EPHB3: variants seen among roughly 807,000 people sequenced by gnomAD.
EPHB3 encodes the protein EPH receptor B3.
In EPHB3, 33 loss-of-function variants were observed where a neutral mutation model predicts 100.2. That is an observed-to-expected ratio of 0.33 (90% CI 0.25 to 0.44). The LOEUF (loss-of-function observed/expected upper bound fraction) is 0.44. EPHB3 is among the 20% of genes least tolerant of loss of function. The probability of loss-of-function intolerance (pLI) is 1.00; values close to 1 mark genes in which losing one functional copy is unlikely to be tolerated. For synonymous variants in EPHB3, 526 were observed against 554.7 expected (o/e 0.95, Z 0.73); for missense variants, 1,045 against 1,378.3 (o/e 0.76, Z 3.83).
Position 184,577,194 on chromosome 3 carries a change from G to A in EPHB3, c.1354+11G>A. The A allele has an allele frequency of 1.9e-6, 3 of 1,585,890 alleles. No homozygotes were observed. Among genetic ancestry groups the A allele is most frequent in the Non-Finnish European group, 8.6e-7 (1 of 1,162,770 alleles). On this transcript the variant is annotated intron_variant, in intron 5 of 15. Transcript: ENST00000330394. The surrounding 1 kb of genome is among the most constrained non-coding windows in gnomAD (Gnocchi z 4.9). Reference sequence around the variant, plus strand: ...CCACAAACCAGGCTGGTGAGGAGGGGACACTGGAGGGTAGGGCCTGGGTCA... The same window carrying A: ...CCACAAACCAGGCTGGTGAGGAGGGAACACTGGAGGGTAGGGCCTGGGTCA...
chr3:184,563,536 G>A lies in EPHB3; in HGVS notation c.118+1183G>A, dbSNP rs950450745. ...CAGTTCAGAGAGAAAGGCATCCTCTGGTGCGTTCTAATGTTCTCCAGAGGA... is the reference window on the plus strand; with the variant it reads ...CAGTTCAGAGAGAAAGGCATCCTCTAGTGCGTTCTAATGTTCTCCAGAGGA... On this transcript the variant is annotated intron_variant, in intron 1 of 15. Transcript: ENST00000330394. This position sits in a 1 kb window ranked among gnomAD's most constrained non-coding sequence, Gnocchi z 4.1. 6.6e-6 allele frequency among the ~76,000 whole-genome samples: 1 copy of A among 152,198 alleles called. No homozygotes were observed. The highest frequency in any genetic ancestry group is 1.5e-5 in the Non-Finnish European group (1 of 68,034).
chr3:184,576,105 G>A (rs1486971219), intron 4 of EPHB3, 120 bp downstream of exon 4: 12 of 1,378,106 alleles, frequency 8.7e-6, no homozygotes, highest in South Asian at 1.5e-5. Context: ...TGAGGCTCAG[G>A]GAAGTTAGAT....
In EPHB3 at chr3:184,571,358, G is replaced by A. The variant is rs56185025; in HGVS notation, c.159G>A (p.Ala53=). Residue 53 remains alanine, a synonymous_variant, in exon 2 of 16, where the codon GCG becomes GCA. Transcript: ENST00000330394. This position sits in a 1 kb window ranked among gnomAD's most constrained non-coding sequence, Gnocchi z 5.0. The part of the protein sequence containing the change: ...MDTKWVTSEL[A]WTSHPESGWE... ...CAAAATGGGTAACATCTGAGTTGGC[G>A]TGGACATCTCATCCAGAAAGTGGGG... 7,069 of 1,613,966 alleles carry A rather than the reference G, an allele frequency of 4.4e-3. 185 individuals are homozygous for A. The highest frequency in any genetic ancestry group is 0.022 in the East Asian group (980 of 44,862).
Position 184,577,374 on chromosome 3 carries a change from C to A in EPHB3, c.1386C>A (p.His462Gln), listed in dbSNP as rs753960972. The change falls in exon 6 of 16, where the codon CAC becomes CAA. Residue 462 changes from histidine to glutamine, a missense_variant. His to Gln is a conservative substitution (Grantham distance 24). Coordinates refer to ENST00000330394, the MANE Select transcript of EPHB3 (RefSeq NM_004443.4). This position sits in a 1 kb window ranked among gnomAD's most constrained non-coding sequence, Gnocchi z 4.9. ...CTGAAGTGCCCACACTACGCCTGCA[C>A]AGCAGCTCAGGCAGCAGCCTCACCC... is the stretch of plus-strand genomic sequence containing the variant. Reference protein sequence around the residue: ...APSEVPTLRLHSSSGSSLTLS... With the variant: ...APSEVPTLRLQSSSGSSLTLS... 3.1e-6 allele frequency: 5 copies of A among 1,613,814 alleles called. No homozygotes were observed. The South Asian group carries it at 4.4e-5, about 14-fold the overall frequency.
intron 3 of EPHB3, among the ~76,000 whole-genome samples, chr3:184,574,322 TA>T (rs887507408): frequency 6.6e-6 from 1 of 152,168 alleles, no homozygotes; most frequent in African/African-American, 2.4e-5. Flanking sequence ...ATTGTCCACC[TA>T]GGGGGTCTCT....
At chr3:184,567,897 A>C (rs1714433482) in intron 1 of EPHB3, among the ~76,000 whole-genome samples, 1 of 152,194 alleles carries the variant, frequency 6.6e-6, no homozygotes, top group African/African-American at 2.4e-5. Flanking sequence ...TCTGTGTAGG[A>C]AAGATTCACT....
In EPHB3 at chr3:184,569,549, GTGTCTGTC is replaced by G. The variant is rs751793907; in HGVS notation, c.119-1750_119-1743del. Among the ~76,000 whole-genome samples the G allele has an allele frequency of 3.3e-5, 5 of 152,050 alleles. No individual in the cohort carries two copies. The highest frequency in any genetic ancestry group is 1.3e-4 in the Admixed American group (2 of 15,274). On this transcript the variant is annotated intron_variant, in intron 1 of 15. Coordinates refer to ENST00000330394, the MANE Select transcript of EPHB3 (RefSeq NM_004443.4). This position sits in a 1 kb window ranked among gnomAD's most constrained non-coding sequence, Gnocchi z 5.4. ...CGAGTACCCCCCAGGCCGAATGTCTGTGTCTGTCTGTCTGTCTGTCTGTCTGCCAGAGG... is the reference window on the plus strand; with the variant it reads ...CGAGTACCCCCCAGGCCGAATGTCTGTGTCTGTCTGTCTGTCTGCCAGAGG...
At chr3:184,574,838 T>G (rs1263206395) in intron 3 of EPHB3, among the ~76,000 whole-genome samples, 2 of 152,202 alleles carry the variant, frequency 1.3e-5, no homozygotes, top group African/African-American at 4.8e-5. Flanking sequence ...TGGCCTGGCC[T>G]CTGCCCCCTC....
rs1714287660 is a variant in EPHB3, at chr3:184,562,659, A to G, written c.118+306A>G. Among the ~76,000 whole-genome samples, 1 of 151,310 alleles carries G rather than the reference A, an allele frequency of 6.6e-6. No homozygotes were observed. Among genetic ancestry groups the G allele is most frequent in the Admixed American group, 6.6e-5 (1 of 15,226 alleles). Reference sequence around the variant, plus strand: ...GGAGTCCCCCACACTCACGGCAGAGAAGTGGGGCTCCCGGCACCCCCCGAA... The same window carrying G: ...GGAGTCCCCCACACTCACGGCAGAGGAGTGGGGCTCCCGGCACCCCCCGAA... On this transcript the variant is annotated intron_variant, in intron 1 of 15. Transcript: ENST00000330394. The surrounding 1 kb of genome is among the most constrained non-coding windows in gnomAD (Gnocchi z 4.8).
rs1238258578 is a variant in EPHB3, at chr3:184,573,271, AGGAGGTCTG to A, written c.856+100_856+108del. The A allele has an allele frequency of 5.6e-4, 845 of 1,500,144 alleles. 12 individuals carry two copies. In the South Asian group the frequency reaches 9.6e-3, roughly 17 times the overall value. The allele number at this position is 1,500,144 out of a possible 1,614,324, so 92.9% of individuals were successfully genotyped here. A position where few individuals can be genotyped will look rare whatever the true frequency, so the allele number is the denominator to read the frequency against. On this transcript the variant is annotated intron_variant, in intron 3 of 15. Coordinates refer to ENST00000330394, the MANE Select transcript of EPHB3 (RefSeq NM_004443.4). The surrounding 1 kb of genome is among the most constrained non-coding windows in gnomAD (Gnocchi z 4.5). ...CCCCACCCCTGCTTGCTATCTGACTAGGAGGTCTGGGAGCAGGTCCACAGTGGAGGCAGG... is the reference window on the plus strand; with the variant it reads ...CCCCACCCCTGCTTGCTATCTGACTAGGAGCAGGTCCACAGTGGAGGCAGG...
chr3:184,575,938 A>G lies in EPHB3; in HGVS notation c.965A>G (p.Asn322Ser), dbSNP rs1714664640. ...SPAASICTCH[N>S]NFYRADSDSA... ...GCCGCCAGCATCTGCACCTGCCACA[A>G]TAACTTCTACCGTGCAGACTCGGAC... The change falls in exon 4 of 16, where the codon AAT becomes AGT. Residue 322 changes from asparagine to serine, a missense_variant. Physicochemically the swap from Asn to Ser is conservative, Grantham distance 46 (BLOSUM62 1). This residue lies in a region of EPHB3 where 985 missense variants were observed against 1,331.1 expected (regional missense o/e 0.74). Transcript: ENST00000330394. The G allele has an allele frequency of 6.2e-7, 1 of 1,613,904 alleles. No individual in the cohort carries two copies.
Position 184,578,130 on chromosome 3 carries a change from G to A in EPHB3, c.1748+124G>A. On this transcript the variant is annotated intron_variant, in intron 8 of 15. Coordinates refer to ENST00000330394, the MANE Select transcript of EPHB3 (RefSeq NM_004443.4). This position sits in a 1 kb window ranked among gnomAD's most constrained non-coding sequence, Gnocchi z 4.7. The stretch of plus-strand genomic sequence containing the variant: ...CAGACCCAGGGCCTTAGCCCTCCTG[G>A]GGCCAGCCGTTGCTGGAGAAGCCCT... The A allele has an allele frequency of 2.7e-6, 3 of 1,131,552 alleles. No homozygotes were observed. The highest frequency in any genetic ancestry group is 3.7e-6 in the Non-Finnish European group (3 of 809,106). The allele number at this position is 1,131,552 out of a possible 1,614,324, so 70.1% of individuals were successfully genotyped here.
chr3:184,562,063 T>C lies in EPHB3; in HGVS notation c.-173T>C. ...GGACCGCCGGGCTCGGTGCACCGCCTCGGTCCCGGAGCCGCCCGCCTGGAT... is the reference window on the plus strand; with the variant it reads ...GGACCGCCGGGCTCGGTGCACCGCCCCGGTCCCGGAGCCGCCCGCCTGGAT... On this transcript the variant is annotated 5_prime_UTR_variant, in exon 1 of 16. Transcript: ENST00000330394. This position sits in a 1 kb window ranked among gnomAD's most constrained non-coding sequence, Gnocchi z 4.8. The C allele has an allele frequency of 6.0e-6, 1 of 166,882 alleles. No individual in the cohort carries two copies. Among genetic ancestry groups the C allele is most frequent in the Non-Finnish European group, 1.3e-5 (1 of 78,810 alleles). 10.3% of individuals were successfully genotyped at this position (166,882 alleles called of 1,614,324 possible).
intron 11 of EPHB3, 99 bp from the exon 12 acceptor site, chr3:184,580,303 G>C: frequency 1.4e-6 from 2 of 1,473,886 alleles, no homozygotes; most frequent in Non-Finnish European, 1.9e-6. Context: ...TTGCAGGAGA[G>C]ACGAGGTAGA....
rs753817157 is a variant in EPHB3, at chr3:184,580,748, G to A, written c.2408G>A (p.Arg803His). 8.1e-6 allele frequency: 13 copies of A among 1,614,022 alleles called. No homozygotes were observed. The highest frequency in any genetic ancestry group is 2.2e-5 in the East Asian group (1 of 44,876). The change falls in exon 13 of 16, where the codon CGC becomes CAC. Residue 803 changes from arginine to histidine, a missense_variant. This residue lies in a region of EPHB3 where 985 missense variants were observed against 1,331.1 expected (regional missense o/e 0.74). Coordinates refer to ENST00000330394, the MANE Select transcript of EPHB3 (RefSeq NM_004443.4). ...CACCAGGGCGGGAAGATCCCCATCC[G>A]CTGGACTGCCCCAGAGGCCATAGCC... ...TSSLGGKIPI[R>H]WTAPEAIAYR... is the part of the protein sequence containing the mutation.
In EPHB3 at chr3:184,577,671, C is replaced by T; in HGVS notation, c.1493C>T (p.Ala498Val). The change falls in exon 7 of 16, where the codon GCC becomes GTC. Residue 498 changes from alanine to valine, a missense_variant. Ala to Val is a moderately conservative substitution (Grantham distance 64). Around this residue, in one of 2 missense-constraint regions of EPHB3, gnomAD observed 985 missense variants for 1,331.1 expected, o/e 0.74. Transcript: ENST00000330394. This position sits in a 1 kb window ranked among gnomAD's most constrained non-coding sequence, Gnocchi z 4.9. ...CTGGCATTGCAGAGCGAGGGCATCG[C>T]CTCCACAGTGACCAGCCAGATGAAC... ...MKYFEKSEGI[A>V]STVTSQMNSV... is the part of the protein sequence containing the mutation. The T allele has an allele frequency of 6.2e-7, 1 of 1,602,992 alleles. No individual in the cohort carries two copies. Among genetic ancestry groups the T allele is most frequent in the Non-Finnish European group, 8.5e-7 (1 of 1,172,934 alleles).
At position 184,581,124 on chromosome 3, in the gene EPHB3, C is replaced by A. The variant is rs766272989; in HGVS notation, c.2691C>A (p.Arg897=). 3.1e-6 allele frequency: 5 copies of A among 1,614,234 alleles called. No homozygotes were observed. Among genetic ancestry groups the A allele is most frequent in the Non-Finnish European group, 4.2e-6 (5 of 1,180,042 alleles). The part of the protein sequence containing the change: ...QIVNTLDKLI[R]NAASLKVIAS... Reference sequence around the variant, plus strand: ...TCAATACCCTGGACAAGCTCATCCGCAATGCTGCCAGCCTCAAGGTCATTG... The same window carrying A: ...TCAATACCCTGGACAAGCTCATCCGAAATGCTGCCAGCCTCAAGGTCATTG... Residue 897 remains arginine (R), a synonymous_variant, in exon 14 of 16, where the codon CGC becomes CGA. Transcript: ENST00000330394.
chr3:184,563,900 C>T lies in EPHB3; in HGVS notation c.118+1547C>T, dbSNP rs1319734666. Among the ~76,000 whole-genome samples the T allele has an allele frequency of 2.0e-5, 3 of 152,158 alleles. No homozygotes were observed. The highest frequency in any genetic ancestry group is 4.4e-5 in the Non-Finnish European group (3 of 68,030). On this transcript the variant is annotated intron_variant, in intron 1 of 15. Transcript: ENST00000330394. This position sits in a 1 kb window ranked among gnomAD's most constrained non-coding sequence, Gnocchi z 4.1. The stretch of plus-strand genomic sequence containing the variant: ...ACCTGTGTGTGTCGGGCCACAAGGC[C>T]CTTGTTGTGGGTGTGGTGGGTGCTG...
Position 184,579,999 on chromosome 3 carries a change from CCA to C in EPHB3, c.2172+68_2172+69del. 1 of 1,566,162 alleles carries C rather than the reference CCA, an allele frequency of 6.4e-7. No individual in the cohort carries two copies. Among genetic ancestry groups the C allele is most frequent in the South Asian group, 1.2e-5 (1 of 82,948 alleles). On this transcript the variant is annotated intron_variant, in intron 11 of 15. Coordinates refer to ENST00000330394, the MANE Select transcript of EPHB3 (RefSeq NM_004443.4). The surrounding 1 kb of genome is among the most constrained non-coding windows in gnomAD (Gnocchi z 5.2). ...GTTGGATTGGGCTCACCATCCCCTC[CCA>C]CAAGTCAGACAGCCCCTATTCAAGT...
Sources: allele counts gnomAD v4.1 joint callset (sites outside exome capture counted in the v4.1 genomes callset), GRCh38; gene constraint gnomAD v4.1.1; regional missense constraint gnomAD v4.1.1; non-coding constraint Gnocchi (gnomAD v3.1); transcripts MANE v1.5; gene names NCBI Gene and HGNC (gene_info 2026-07-23, HGNC 2026-07-21).